The following DNAJB5 variants were observed in gnomAD, a reference collection of about 807,000 sequenced individuals.
DNAJB5 encodes dnaJ homolog subfamily B member 5.
DNAJB5 carries 12 observed loss-of-function variants against 32.6 expected under a neutral mutation model. The ratio of observed to expected loss-of-function variants is 0.37; its 90% confidence interval spans 0.24 to 0.60. The LOEUF is 0.60. Ranked by LOEUF, DNAJB5 falls within the 20% of genes least tolerant of loss-of-function variation. DNAJB5 has a pLI of 0.71. For synonymous variants in DNAJB5, 188 were observed against 212.9 expected (o/e 0.88, Z 1.02); for missense variants, 358 against 554.2 (o/e 0.65, Z 3.55).
chr9:34,991,289 C>T lies in DNAJB5; in HGVS notation c.182+477C>T, dbSNP rs542572091. On this transcript the variant is annotated intron_variant, in intron 2 of 4. Transcript: ENST00000682809. ...ATGGGGCTCCTTTGTCATTCCAACA[C>T]GTGGCCTGTGGGTAGGGGGGAAGGG... 37 of 456,370 alleles carry T rather than the reference C, an allele frequency of 8.1e-5. 1 individual carries two copies. The highest frequency in any genetic ancestry group is 5.7e-4 in the South Asian group (37 of 64,506). The allele number at this position is 456,370 out of a possible 1,614,324, so 28.3% of individuals were successfully genotyped here.
chr9:34,995,860 A>G (rs974378675), intron 3 of DNAJB5, among the ~76,000 whole-genome samples: 1 of 152,154 alleles, frequency 6.6e-6, no homozygotes, highest in African/African-American at 2.4e-5. Flanking sequence ...CTTGTCCTAT[A>G]TGTCTTTGGA....
rs1554662718 is a variant in DNAJB5, at chr9:34,991,671, C to CCG, written c.182+860_182+861insGC. 3 of 227,556 alleles carry CCG rather than the reference C, an allele frequency of 1.3e-5. 1 individual carries two copies. Among genetic ancestry groups the CCG allele is most frequent in the Admixed American group, 6.2e-5 (1 of 16,124 alleles). The allele number at this position is 227,556 out of a possible 1,614,324, so 14.1% of individuals were successfully genotyped here. ...GCTGCCATTTCCGAAAACGGTTGCCCCCCCCCCCAACGAGGTGCTCTTTCT... is the reference window on the plus strand; with the variant it reads ...GCTGCCATTTCCGAAAACGGTTGCCCCGCCCCCCCCAACGAGGTGCTCTTTCT... On this transcript the variant is annotated intron_variant, in intron 2 of 4. Coordinates refer to ENST00000682809, the MANE Select transcript of DNAJB5 (RefSeq NM_001349723.3).
chr9:34,992,232 C>A (rs1301770216), intron 2 of DNAJB5: 1 of 152,320 alleles, frequency 6.6e-6, no homozygotes, highest in Non-Finnish European at 1.5e-5. Flanking sequence ...AATGCTCCTG[C>A]ACCCACCTTA....
Position 34,989,958 on chromosome 9 carries a change from G to C in DNAJB5, c.-133+127G>C, listed in dbSNP as rs528934233. On this transcript the variant is annotated intron_variant, in intron 1 of 4. Coordinates refer to ENST00000682809, the MANE Select transcript of DNAJB5 (RefSeq NM_001349723.3). ...TGCTGCCTTGGGGATGCGGGGCCCC[G>C]GGGTCTGCAGGGTGCTCGGAGTCCT... 7,770 of 1,114,404 alleles carry C rather than the reference G, an allele frequency of 7.0e-3. 56 individuals are homozygous for C. Among genetic ancestry groups the C allele is most frequent in the Admixed American group, 0.039 (1,050 of 27,238 alleles). The allele number at this position is 1,114,404 out of a possible 1,614,324, so 69.0% of individuals were successfully genotyped here.
In DNAJB5 at chr9:34,990,256, G is replaced by A. The variant is rs1827585597; in HGVS notation, c.-132-243G>A. The A allele has an allele frequency of 1.9e-5, 25 of 1,347,270 alleles. No homozygotes were observed. Among genetic ancestry groups the A allele is most frequent in the Non-Finnish European group, 2.4e-5 (25 of 1,031,640 alleles). 83.5% of individuals were successfully genotyped at this position (1,347,270 alleles called of 1,614,324 possible). A position where few individuals can be genotyped will look rare whatever the true frequency, so the allele number is the denominator to read the frequency against. ...AGACTCCCGTCAGTGACTTCATTGA[G>A]TAGGTTCTTGGGGATTGGGGTCGGG... On this transcript the variant is annotated intron_variant, in intron 1 of 4. Transcript: ENST00000682809. The surrounding 1 kb of genome is among the most constrained non-coding windows in gnomAD (Gnocchi z 4.5).
chr9:34,997,892 G>A lies in DNAJB5; in HGVS notation c.*633G>A, dbSNP rs534842154. The A allele has an allele frequency of 1.2e-4, 23 of 190,006 alleles. No individual in the cohort carries two copies. In the East Asian group the frequency reaches 2.5e-3, roughly 21 times the overall value. The allele number at this position is 190,006 out of a possible 1,614,324, so 11.8% of individuals were successfully genotyped here. A position where few individuals can be genotyped will look rare whatever the true frequency, so the allele number is the denominator to read the frequency against. On this transcript the variant is annotated 3_prime_UTR_variant, in exon 5 of 5. Transcript: ENST00000682809. The surrounding 1 kb of genome is among the most constrained non-coding windows in gnomAD (Gnocchi z 4.1). ...GGGGGTGAGCTCCTCAGCAGCCTCC[G>A]TAACAGCTGCCCTGCCTACACCTGC... is the stretch of plus-strand genomic sequence containing the variant.
In DNAJB5 at chr9:34,990,690, A is replaced by C; in HGVS notation, c.60A>C (p.Arg20=). 1 of 1,551,682 alleles carries C rather than the reference A, an allele frequency of 6.4e-7. No individual in the cohort carries two copies. The highest frequency in any genetic ancestry group is 8.7e-7 in the Non-Finnish European group (1 of 1,146,992). The change falls in exon 2 of 5, where the codon CGA becomes CGC. Residue 20 remains arginine, a synonymous_variant. Transcript: ENST00000682809. This position sits in a 1 kb window ranked among gnomAD's most constrained non-coding sequence, Gnocchi z 4.5. ...PPPAAPPLQA[R]GAFRSFPHSW... is the part of the protein sequence containing the mutation. ...CAGCAGCACCCCCACTGCAGGCCCG[A>C]GGAGCTTTCCGGAGCTTCCCACACT... is the stretch of plus-strand genomic sequence containing the variant.
At position 34,997,320 on chromosome 9, in the gene DNAJB5, A is replaced by C; in HGVS notation, c.*61A>C. The C allele has an allele frequency of 7.3e-6, 11 of 1,497,108 alleles. No homozygotes were observed. The highest frequency in any genetic ancestry group is 1.7e-5 in the Admixed American group (1 of 59,572). The allele number at this position is 1,497,108 out of a possible 1,614,324, so 92.7% of individuals were successfully genotyped here. A position where few individuals can be genotyped will look rare whatever the true frequency, so the allele number is the denominator to read the frequency against. The stretch of plus-strand genomic sequence containing the variant: ...ATACCCCCAACACTCACTCCACTCA[A>C]TGTGCACCCAGCTTGATGTCCACTG... On this transcript the variant is annotated 3_prime_UTR_variant, in exon 5 of 5. Transcript: ENST00000682809. This position sits in a 1 kb window ranked among gnomAD's most constrained non-coding sequence, Gnocchi z 4.1.
intron 1 of DNAJB5, 43 bp downstream of exon 1, chr9:34,989,874 C>A (rs1827570626): frequency 8.1e-7 from 1 of 1,236,668 alleles, no homozygotes; most frequent in Non-Finnish European, 1.0e-6. Context: ...GGGAGCGGGG[C>A]GTCGTGAAGC....
rs777440363 is a variant in DNAJB5, at chr9:34,997,120, G to C, written c.1124G>C (p.Arg375Thr). ...GTCATCAAGCCAGGCACCGTGAAGAGACTCCGTGGGGAGGGCCTTCCCTTC... is the reference window on the plus strand; with the variant it reads ...GTCATCAAGCCAGGCACCGTGAAGACACTCCGTGGGGAGGGCCTTCCCTTC... ...NDVIKPGTVK[R>T]LRGEGLPFPK... Residue 375 changes from arginine to threonine, a missense_variant, in exon 5 of 5, where the codon AGA becomes ACA. This residue lies in a region of DNAJB5 where 248 missense variants were observed against 442.6 expected (regional missense o/e 0.56). Coordinates refer to ENST00000682809, the MANE Select transcript of DNAJB5 (RefSeq NM_001349723.3). This position sits in a 1 kb window ranked among gnomAD's most constrained non-coding sequence, Gnocchi z 4.1. The C allele has an allele frequency of 1.2e-6, 2 of 1,614,184 alleles. No homozygotes were observed.
In DNAJB5 at chr9:34,990,481, TCCA is replaced by T; in HGVS notation, c.-132-16_-132-14del. ...GGCCGCGGGTCTTCTCCCTTCACTC[TCCA>T]CATTTGGGGATCAGGTCCGGCACCT... On this transcript the variant is annotated splice_polypyrimidine_tract_variant and intron_variant, in intron 1 of 4. Transcript: ENST00000682809. The surrounding 1 kb of genome is among the most constrained non-coding windows in gnomAD (Gnocchi z 4.5). The T allele has an allele frequency of 6.5e-7, 1 of 1,536,564 alleles. No homozygotes were observed. The highest frequency in any genetic ancestry group is 8.7e-7 in the Non-Finnish European group (1 of 1,146,488).
Position 34,996,147 on chromosome 9 carries a change from G to A in DNAJB5, c.428-118G>A. On this transcript the variant is annotated intron_variant, in intron 3 of 4. Coordinates refer to ENST00000682809, the MANE Select transcript of DNAJB5 (RefSeq NM_001349723.3). The surrounding 1 kb of genome is among the most constrained non-coding windows in gnomAD (Gnocchi z 7.2). ...CTCTATTAGCCTGGCCCTCTCTGTG[G>A]GATTTAAAGGTTGCTTCTTTCTTTA... is the stretch of plus-strand genomic sequence containing the variant. The A allele has an allele frequency of 2.2e-6, 3 of 1,360,764 alleles. No individual in the cohort carries two copies. The highest frequency in any genetic ancestry group is 2.9e-6 in the Non-Finnish European group (3 of 1,017,294). 84.3% of individuals were successfully genotyped at this position (1,360,764 alleles called of 1,614,324 possible).
At chr9:34,991,436 C>G (rs986023489) in intron 2 of DNAJB5, 4 of 455,670 alleles carry the variant, frequency 8.8e-6, no homozygotes, top group African/African-American at 8.0e-5. Context: ...AGGGAGGAAG[C>G]TGGCCGGGTG....
chr9:34,990,707 TC>T lies in DNAJB5; in HGVS notation c.80del (p.Pro27HisfsTer9), dbSNP rs1468603169. On this transcript the variant is annotated frameshift_variant, in exon 2 of 5. Transcript: ENST00000682809. LOFTEE classifies it high-confidence loss of function. This position sits in a 1 kb window ranked among gnomAD's most constrained non-coding sequence, Gnocchi z 4.5. Reference protein sequence around the residue: ...PLQARGAFRSFPHSWGEDFLA... With the variant: ...PLQARGAFRSXPHSWGEDFLA... ...CAGGCCCGAGGAGCTTTCCGGAGCT[TC>T]CCACACTCCTGGGGAGAAGACTTCT... 6.4e-7 allele frequency: 1 copy of T among 1,551,706 alleles called. No individual in the cohort carries two copies. The highest frequency in any genetic ancestry group is 1.2e-5 in the South Asian group (1 of 84,056).
Position 34,996,443 on chromosome 9 carries a change from T to A in DNAJB5, c.606T>A (p.Asp202Glu). 6.2e-7 allele frequency: 1 copy of A among 1,614,050 alleles called. No homozygotes were observed. Among genetic ancestry groups the A allele is most frequent in the Non-Finnish European group, 8.5e-7 (1 of 1,180,002 alleles). ...PFSGFDPDDM[D>E]VDEDEDPFGA... Reference sequence around the variant, plus strand: ...GTGGCTTTGACCCAGATGACATGGATGTGGATGAAGATGAGGACCCATTTG... The same window carrying A: ...GTGGCTTTGACCCAGATGACATGGAAGTGGATGAAGATGAGGACCCATTTG... The change falls in exon 4 of 5, where the codon GAT (aspartate) becomes GAA (glutamate). Residue 202 changes from aspartate (D) to glutamate (E), a missense_variant. Transcript: ENST00000682809. This position sits in a 1 kb window ranked among gnomAD's most constrained non-coding sequence, Gnocchi z 7.2.
At position 34,989,777 on chromosome 9, in the gene DNAJB5, G is replaced by C; in HGVS notation, c.-187G>C. On this transcript the variant is annotated 5_prime_UTR_variant, in exon 1 of 5. Transcript: ENST00000682809. Reference sequence around the variant, plus strand: ...GTGGAGGCGGCGGAGCCGGAGCCGGGGGAGGGGGCAGCGGCTGTCTCACGG... The same window carrying C: ...GTGGAGGCGGCGGAGCCGGAGCCGGCGGAGGGGGCAGCGGCTGTCTCACGG... 1 of 1,231,444 alleles carries C rather than the reference G, an allele frequency of 8.1e-7. No individual in the cohort carries two copies. Among genetic ancestry groups the C allele is most frequent in the East Asian group, 3.2e-5 (1 of 31,662 alleles). The allele number at this position is 1,231,444 out of a possible 1,614,324, so 76.3% of individuals were successfully genotyped here. A position where few individuals can be genotyped will look rare whatever the true frequency, so the allele number is the denominator to read the frequency against.
intron 2 of DNAJB5, chr9:34,992,868 G>A (rs1298547125): frequency 2.5e-5 from 29 of 1,170,308 alleles, no homozygotes; most frequent in Non-Finnish European, 3.0e-5. Flanking sequence ...TCAGTCCATG[G>A]TGCCACCTCG....
At chr9:34,992,885 A>G in intron 2 of DNAJB5, 1 of 1,203,406 alleles carries the variant, frequency 8.3e-7, no homozygotes, top group Non-Finnish European at 1.0e-6. Flanking sequence ...CTCGCTCAGC[A>G]GGGCCTCTCA....
intron 2 of DNAJB5, chr9:34,991,672 C>CCCT (rs1467819475): frequency 8.7e-6 from 2 of 231,144 alleles, no homozygotes; most frequent in African/African-American, 2.8e-5. Context: ...ACGGTTGCCC[C>CCCT]CCCCCCCAAC....
Sources: gnomAD v4.1 joint callset for allele counts (sites outside exome capture counted in the v4.1 genomes callset) on GRCh38, gnomAD v4.1.1 for gene constraint, gnomAD v4.1.1 regional missense constraint, Gnocchi (gnomAD v3.1) non-coding constraint, MANE v1.5 for transcripts, NCBI Gene and HGNC (gene_info 2026-07-23, HGNC 2026-07-21) for gene names.